Variants in PANK4 observed in about 807,000 individuals in gnomAD.
PANK4 encodes the protein 4'-phosphopantetheine phosphatase.
In PANK4, 40 loss-of-function variants were observed where a neutral mutation model predicts 87.9. The observed-to-expected ratio is 0.46, with a 90% CI of 0.35 to 0.59. The LOEUF (loss-of-function observed/expected upper bound fraction) is 0.59, where lower values mean the gene tolerates loss of function less well. Among genes scored for constraint, PANK4 ranks in the 20% least tolerant of loss-of-function variants. The probability of loss-of-function intolerance (pLI) is 0.00; values close to 1 mark genes in which losing one functional copy is unlikely to be tolerated. For missense variants in PANK4, 926 were observed against 1,072.3 expected, an observed-to-expected ratio of 0.86 and a Z score of 1.90; for synonymous variants, 524 against 467.4, an observed-to-expected ratio of 1.12 and a Z score of -1.56.
chr1:2,508,726 G>A lies in PANK4; in HGVS notation c.*121C>T. On this transcript the variant is annotated 3_prime_UTR_variant, in exon 19 of 19. Transcript: ENST00000378466. This position sits in a 1 kb window ranked among gnomAD's most constrained non-coding sequence, Gnocchi z 5.1. ...GGTCACACGCATCTGTGCGGCTGGG[G>A]TGTATGTGCCGCGTCACAGCAGTAC... 1.5e-6 allele frequency: 1 copy of A among 660,096 alleles called. No individual in the cohort carries two copies. Among genetic ancestry groups the A allele is most frequent in the Non-Finnish European group, 2.7e-6 (1 of 366,692 alleles). 40.9% of individuals were successfully genotyped at this position (660,096 alleles called of 1,614,324 possible).
At chr1:2,521,035 T>C in intron 3 of PANK4, 66 bp downstream of exon 3, 1 of 1,539,236 alleles carries the variant, frequency 6.5e-7, no homozygotes, top group Non-Finnish European at 9.0e-7. Context: ...GGGACGCGGC[T>C]CTGGGACACC....
chr1:2,510,161 C>CAGG lies in PANK4; in HGVS notation c.1939-7_1939-5dup. The CAGG allele has an allele frequency of 6.3e-7, 1 of 1,582,776 alleles. No individual in the cohort carries two copies. Among genetic ancestry groups the CAGG allele is most frequent in the Non-Finnish European group, 8.6e-7 (1 of 1,158,502 alleles). ...CTGAGTTGCACGCCAGGATGACCTG[C>CAGG]AGGAGGAGGGCCCAGGCTCTTTAGG... On this transcript the variant is annotated splice_polypyrimidine_tract_variant and splice_region_variant and intron_variant, in intron 16 of 18. Transcript: ENST00000378466. The surrounding 1 kb of genome is among the most constrained non-coding windows in gnomAD (Gnocchi z 4.9).
In PANK4 at chr1:2,515,594, A is replaced by G. The variant is rs1463755895; in HGVS notation, c.1342T>C (p.Trp448Arg). The G allele has an allele frequency of 1.2e-6, 2 of 1,613,202 alleles. No homozygotes were observed. The highest frequency in any genetic ancestry group is 1.7e-6 in the Non-Finnish European group (2 of 1,179,988). The stretch of plus-strand genomic sequence containing the variant: ...AGGGCCTCCTCAAAGCAGGTGAGCC[A>G]GTATTTTCGGGCCAGAGCGTCATCG... ...LTDDALARKY[W>R]LTCFEEALDG... The change falls in exon 10 of 19, where the codon TGG becomes CGG. Residue 448 changes from tryptophan to arginine, a missense_variant. Coordinates refer to ENST00000378466, the MANE Select transcript of PANK4 (RefSeq NM_018216.4). The surrounding 1 kb of genome is among the most constrained non-coding windows in gnomAD (Gnocchi z 5.0).
chr1:2,509,774 G>T lies in PANK4; in HGVS notation c.2108+88C>A, dbSNP rs578094839. Reference sequence around the variant, plus strand: ...AGGCCGCAGGGGCAGTCCTGAGGTCGGTGTCCCGCATGCACCTGGGTGCAG... The same window carrying T: ...AGGCCGCAGGGGCAGTCCTGAGGTCTGTGTCCCGCATGCACCTGGGTGCAG... On this transcript the variant is annotated intron_variant, in intron 18 of 18. Transcript: ENST00000378466. This position sits in a 1 kb window ranked among gnomAD's most constrained non-coding sequence, Gnocchi z 4.9. 8.6e-6 allele frequency: 10 copies of T among 1,168,162 alleles called. No homozygotes were observed. Among genetic ancestry groups the T allele is most frequent in the Non-Finnish European group, 7.6e-6 (6 of 789,572 alleles). 72.4% of individuals were successfully genotyped at this position (1,168,162 alleles called of 1,614,324 possible).
rs758092766 is a variant in PANK4 at position 2,515,535 on chromosome 1, C to T, written c.1374+27G>A. On this transcript the variant is annotated intron_variant, in intron 10 of 18. Coordinates refer to ENST00000378466, the MANE Select transcript of PANK4 (RefSeq NM_018216.4). The surrounding 1 kb of genome is among the most constrained non-coding windows in gnomAD (Gnocchi z 5.0). ...GTTAACCCGGCTGCGGCCTTGGAAT[C>T]GTCTAGACGGCACCCGGAGCCCTCA... The T allele has an allele frequency of 8.2e-5, 132 of 1,610,152 alleles. No individual in the cohort carries two copies. The highest frequency in any genetic ancestry group is 9.9e-5 in the Non-Finnish European group (117 of 1,178,178).
At chr1:2,517,118 C>A (rs1643794725) in intron 9 of PANK4, among the ~76,000 whole-genome samples, 1 of 152,206 alleles carries the variant, frequency 6.6e-6, no homozygotes, top group Non-Finnish European at 1.5e-5. Flanking sequence ...CTGGAAGACA[C>A]CAAGCCCCTC....
In PANK4 at chr1:2,519,946, G is replaced by A. The variant is rs1411273430; in HGVS notation, c.708C>T (p.Asp236=). 8 of 1,557,888 alleles carry A rather than the reference G, an allele frequency of 5.1e-6. No homozygotes were observed. Among genetic ancestry groups the A allele is most frequent in the African/African-American group, 1.4e-5 (1 of 73,910 alleles). The part of the protein sequence containing the change: ...GALLTKTKKF[D]ELLHLASRGQ... ...CCCTCGAGGCCAGGTGCAGGAGCTC[G>A]TCAAACTTCTGCAGGACACGGCGAG... The change falls in exon 6 of 19, where the codon GAC becomes GAT. Residue 236 remains aspartate, a synonymous_variant. Coordinates refer to ENST00000378466, the MANE Select transcript of PANK4 (RefSeq NM_018216.4). This position sits in a 1 kb window ranked among gnomAD's most constrained non-coding sequence, Gnocchi z 8.3.
At position 2,518,595 on chromosome 1, in the gene PANK4, C is replaced by A; in HGVS notation, c.1038G>T (p.Gly346=). ...ITYSINFFSK[G]EVQALFLRHE... is the part of the protein sequence containing the mutation. The stretch of plus-strand genomic sequence containing the variant: ...GCCTCAGAAACAGCGCCTGCACTTC[C>A]CCCTGCCGTGGCCAAAGCACACGTG... The change falls in exon 8 of 19, where the codon GGG becomes GGT. Residue 346 remains glycine, a splice_region_variant and synonymous_variant. Coordinates refer to ENST00000378466, the MANE Select transcript of PANK4 (RefSeq NM_018216.4). 3 of 1,565,988 alleles carry A rather than the reference C, an allele frequency of 1.9e-6. No individual in the cohort carries two copies. The highest frequency in any genetic ancestry group is 2.6e-6 in the Non-Finnish European group (3 of 1,155,268).
Position 2,508,898 on chromosome 1 carries a change from C to A in PANK4, c.2271G>T (p.Leu757=). 6.2e-7 allele frequency: 1 copy of A among 1,609,470 alleles called. No homozygotes were observed. The highest frequency in any genetic ancestry group is 1.1e-5 in the South Asian group (1 of 90,426). ...VIKNAWLAER[L]GGRLFSVIFK... ...AGATGACGCTGAAGAGCCGGCCGCCCAGCCGCTCGGCCAGCCACGCGTTCT... is the reference window on the plus strand; with the variant it reads ...AGATGACGCTGAAGAGCCGGCCGCCAAGCCGCTCGGCCAGCCACGCGTTCT... The change falls in exon 19 of 19, where the codon CTG becomes CTT. Residue 757 remains leucine (L), a synonymous_variant. Coordinates refer to ENST00000378466, the MANE Select transcript of PANK4 (RefSeq NM_018216.4). The surrounding 1 kb of genome is among the most constrained non-coding windows in gnomAD (Gnocchi z 5.1).
chr1:2,522,714 G>A (rs1032357227), intron 1 of PANK4, among the ~76,000 whole-genome samples: 1 of 151,164 alleles, frequency 6.6e-6, no homozygotes, highest in African/African-American at 2.4e-5. Context: ...TTAACAGAGG[G>A]CACTGTGTGT....
Position 2,515,472 on chromosome 1 carries a change from C to G in PANK4, c.1374+90G>C. 1 of 1,395,152 alleles carries G rather than the reference C, an allele frequency of 7.2e-7. No individual in the cohort carries two copies. The highest frequency in any genetic ancestry group is 1.0e-6 in the Non-Finnish European group (1 of 986,330). 86.4% of individuals were successfully genotyped at this position (1,395,152 alleles called of 1,614,324 possible). On this transcript the variant is annotated intron_variant, in intron 10 of 18. Coordinates refer to ENST00000378466, the MANE Select transcript of PANK4 (RefSeq NM_018216.4). The surrounding 1 kb of genome is among the most constrained non-coding windows in gnomAD (Gnocchi z 5.0). Reference sequence around the variant, plus strand: ...TTTCTGGACAACACTGGCCTGTCCCCCTTCGCCACCTTGGCTTTGCCCCCG... The same window carrying G: ...TTTCTGGACAACACTGGCCTGTCCCGCTTCGCCACCTTGGCTTTGCCCCCG...
chr1:2,518,046 T>C (rs1364265172), intron 9 of PANK4, 118 bp downstream of exon 9: 5 of 592,612 alleles, frequency 8.4e-6, no homozygotes, highest in Admixed American at 6.7e-5. Context: ...GGATTCGCCA[T>C]GGGCAGAGGC....
Position 2,521,819 on chromosome 1 carries a change from C to T in PANK4, c.125-19G>A, listed in dbSNP as rs770321897. On this transcript the variant is annotated intron_variant, in intron 1 of 18. Coordinates refer to ENST00000378466, the MANE Select transcript of PANK4 (RefSeq NM_018216.4). ...GACCCGCCTGCAGGGGAGACACAAA[C>T]CGGGCAGGATTCAGGACCAGGACAC... 6.2e-7 allele frequency: 1 copy of T among 1,607,340 alleles called. No homozygotes were observed. Among genetic ancestry groups the T allele is most frequent in the Non-Finnish European group, 8.5e-7 (1 of 1,174,016 alleles).
In PANK4 at chr1:2,521,215, G is replaced by C; in HGVS notation, c.308C>G (p.Ala103Gly). The C allele has an allele frequency of 1.9e-6, 3 of 1,613,780 alleles. No individual in the cohort carries two copies. The highest frequency in any genetic ancestry group is 2.5e-6 in the Non-Finnish European group (3 of 1,179,786). The change falls in exon 3 of 19, where the codon GCC (alanine) becomes GGC (glycine). Residue 103 changes from alanine (A) to glycine (G), a missense_variant. Physicochemically the swap from Ala to Gly is moderately conservative, Grantham distance 60 (BLOSUM62 0). Coordinates refer to ENST00000378466, the MANE Select transcript of PANK4 (RefSeq NM_018216.4). ...ATGGTCTTTGATGAAGTCCAGGCAGGCTTCGATGTAGGTATTCTCAAACTT... is the reference window on the plus strand; with the variant it reads ...ATGGTCTTTGATGAAGTCCAGGCAGCCTTCGATGTAGGTATTCTCAAACTT... Reference protein sequence around the residue: ...FIKFENTYIEACLDFIKDHLV... With the variant: ...FIKFENTYIEGCLDFIKDHLV...
Position 2,514,037 on chromosome 1 carries a change from G to A in PANK4, c.1540C>T (p.Leu514=). Residue 514 remains leucine, a synonymous_variant, in exon 12 of 19, where the codon CTG becomes TTG. Coordinates refer to ENST00000378466, the MANE Select transcript of PANK4 (RefSeq NM_018216.4). ...GGATCCGGGAAGTTGAACTCGTTCA[G>A]ACAGTGCTCCCTGGTGTCCAGCAGG... ...RSLLDTREHC[L]NEFNFPDPYS... 1 of 1,612,880 alleles carries A rather than the reference G, an allele frequency of 6.2e-7. No individual in the cohort carries two copies. The highest frequency in any genetic ancestry group is 8.5e-7 in the Non-Finnish European group (1 of 1,179,890).
chr1:2,514,712 C>T (rs1402816681), intron 10 of PANK4, among the ~76,000 whole-genome samples: 5 of 40,818 alleles, frequency 1.2e-4, no homozygotes, highest in Non-Finnish European at 2.2e-4. Context: ...GTGGGGGACT[C>T]GGGCAGGGTG....
chr1:2,511,936 T>A, intron 13 of PANK4, among the ~76,000 whole-genome samples: 1 of 152,256 alleles, frequency 6.6e-6, no homozygotes, highest in East Asian at 1.9e-4. Flanking sequence ...CTGCTCAACG[T>A]GAAGACCCCA....
Position 2,510,109 on chromosome 1 carries a change from T to A in PANK4, c.1987A>T (p.Ser663Cys), listed in dbSNP as rs375851673. 5.6e-6 allele frequency: 9 copies of A among 1,611,188 alleles called. No individual in the cohort carries two copies. Among genetic ancestry groups the A allele is most frequent in the Admixed American group, 1.7e-5 (1 of 59,862 alleles). ...SGPALNDVTH[S>C]ESLIVAERIA... ...CGCTCTGCCACGATGAGGGACTCGC[T>A]GTGGGTCACGTCGTTCAGGGCGGGG... The change falls in exon 17 of 19, where the codon AGC (serine) becomes TGC (cysteine). Residue 663 changes from serine to cysteine, a missense_variant. Coordinates refer to ENST00000378466, the MANE Select transcript of PANK4 (RefSeq NM_018216.4). The surrounding 1 kb of genome is among the most constrained non-coding windows in gnomAD (Gnocchi z 4.9).
At position 2,515,044 on chromosome 1, in the gene PANK4, G is replaced by C. The variant is rs902334215; in HGVS notation, c.1374+518C>G. Reference sequence around the variant, plus strand: ...GGCCTCTCCGAGGGCTTCGTGAAGAGTGCGTGTTGCTACCGGGGCTCCCTG... The same window carrying C: ...GGCCTCTCCGAGGGCTTCGTGAAGACTGCGTGTTGCTACCGGGGCTCCCTG... On this transcript the variant is annotated intron_variant, in intron 10 of 18. Coordinates refer to ENST00000378466, the MANE Select transcript of PANK4 (RefSeq NM_018216.4). This position sits in a 1 kb window ranked among gnomAD's most constrained non-coding sequence, Gnocchi z 5.0. 4.6e-5 allele frequency among the ~76,000 whole-genome samples: 7 copies of C among 152,208 alleles called. No homozygotes were observed. The highest frequency in any genetic ancestry group is 1.3e-4 in the Admixed American group (2 of 15,284).
Sources: gnomAD v4.1 joint callset for allele counts (sites outside exome capture counted in the v4.1 genomes callset) on GRCh38, gnomAD v4.1.1 for gene constraint, Gnocchi (gnomAD v3.1) non-coding constraint, MANE v1.5 for transcripts, NCBI Gene and HGNC (gene_info 2026-07-23, HGNC 2026-07-21) for gene names.